The following PLEKHM2 variants were observed in gnomAD, a reference collection of about 807,000 sequenced individuals.
PLEKHM2 encodes pleckstrin homology domain-containing family M member 2.
In PLEKHM2, 77 loss-of-function variants were observed where a neutral mutation model predicts 116.3. That is an observed-to-expected ratio of 0.66 (90% CI 0.55 to 0.80). The LOEUF (loss-of-function observed/expected upper bound fraction) is 0.80, where lower values mean the gene tolerates loss of function less well. Among genes scored for constraint, PLEKHM2 ranks in the 30% least tolerant of loss-of-function variants. The pLI is 0.00. For synonymous variants in PLEKHM2, 562 were observed against 571.0 expected, an observed-to-expected ratio of 0.98 and a Z score of 0.22; for missense variants, 1,183 against 1,354.9, an observed-to-expected ratio of 0.87 and a Z score of 1.99.
upstream of PLEKHM2, among the ~76,000 whole-genome samples, chr1:15,682,327 C>T (rs1004146012): frequency 2.0e-5 from 3 of 150,028 alleles, no homozygotes; most frequent in East Asian, 1.9e-4. Context: ...GGCAGGCGCC[C>T]GTAATCCCAG....
chr1:15,705,484 C>G (rs543505816), intron 1 of PLEKHM2, among the ~76,000 whole-genome samples: 1 of 152,120 alleles, frequency 6.6e-6, no homozygotes, highest in East Asian at 1.9e-4. Context: ...GCCCGGCCTC[C>G]ACATAGATGT....
chr1:15,715,842 T>A (rs1032664212), intron 1 of PLEKHM2, among the ~76,000 whole-genome samples: 6 of 152,212 alleles, frequency 3.9e-5, no homozygotes, highest in African/African-American at 1.4e-4. Flanking sequence ...GCTCTCTGTA[T>A]CAATGCCCCA....
intron 1 of PLEKHM2, among the ~76,000 whole-genome samples, chr1:15,703,998 G>A (rs982544277): frequency 1.3e-5 from 2 of 152,188 alleles, no homozygotes; most frequent in Non-Finnish European, 2.9e-5. Context: ...CTCAGAGTCC[G>A]TGGACCTTAG....
intron 7 of PLEKHM2, among the ~76,000 whole-genome samples, chr1:15,724,748 C>A (rs1015703036): frequency 6.6e-6 from 1 of 152,200 alleles, no homozygotes; most frequent in Non-Finnish European, 1.5e-5. Context: ...CCTCTGCCCC[C>A]ACTCTGCACC....
chr1:15,719,968 C>A lies in PLEKHM2; in HGVS notation c.652+48C>A. Reference sequence around the variant, plus strand: ...AGCTAAGCCCCTGTTGTGAAACAGACTTGAACTGCTTAAGCCTGGCTGGGT... The same window carrying A: ...AGCTAAGCCCCTGTTGTGAAACAGAATTGAACTGCTTAAGCCTGGCTGGGT... On this transcript the variant is annotated intron_variant, in intron 6 of 19. Coordinates refer to ENST00000375799, the MANE Select transcript of PLEKHM2 (RefSeq NM_015164.4). This position sits in a 1 kb window ranked among gnomAD's most constrained non-coding sequence, Gnocchi z 4.1. The A allele has an allele frequency of 6.8e-7, 1 of 1,468,934 alleles. No homozygotes were observed. The highest frequency in any genetic ancestry group is 9.3e-7 in the Non-Finnish European group (1 of 1,069,722). The allele number at this position is 1,468,934 out of a possible 1,614,324, so 91.0% of individuals were successfully genotyped here. A position where few individuals can be genotyped will look rare whatever the true frequency, so the allele number is the denominator to read the frequency against.
At chr1:15,699,502 T>C (rs1641068141) in intron 1 of PLEKHM2, among the ~76,000 whole-genome samples, 1 of 152,208 alleles carries the variant, frequency 6.6e-6, no homozygotes, top group Non-Finnish European at 1.5e-5. Flanking sequence ...TGCATCCATA[T>C]CCCTGCAAAG....
rs1428127476 is a variant in PLEKHM2 at position 15,719,884 on chromosome 1, G to C, written c.616G>C (p.Glu206Gln). 4 of 1,613,612 alleles carry C rather than the reference G, an allele frequency of 2.5e-6. No individual in the cohort carries two copies. The highest frequency in any genetic ancestry group is 3.4e-6 in the Non-Finnish European group (4 of 1,179,776). Residue 206 changes from glutamate to glutamine, a missense_variant, in exon 6 of 20, where the codon GAG (glutamate) becomes CAG (glutamine). Coordinates refer to ENST00000375799, the MANE Select transcript of PLEKHM2 (RefSeq NM_015164.4). The surrounding 1 kb of genome is among the most constrained non-coding windows in gnomAD (Gnocchi z 4.1). The stretch of plus-strand genomic sequence containing the variant: ...CAACTCCGTCACCTCCACCAACCTG[G>C]AGTGGGATGACAGTGCGATTGCCCC... ...SFNSVTSTNLEWDDSAIAPSS... is the reference protein window; with the variant it reads ...SFNSVTSTNLQWDDSAIAPSS...
rs190423893 is a variant in PLEKHM2, at chr1:15,715,444, C to A, written c.61-793C>A. Among the ~76,000 whole-genome samples the A allele has an allele frequency of 3.8e-3, 581 of 152,284 alleles. 2 individuals carry two copies. The highest frequency in any genetic ancestry group is 6.8e-3 in the Non-Finnish European group (464 of 68,026). ...ATCACCTGAGGTCAGGAGCTTGAGA[C>A]CAGCCTGGCCAACATGGCGAAACCT... is the stretch of plus-strand genomic sequence containing the variant. On this transcript the variant is annotated intron_variant, in intron 1 of 19. Transcript: ENST00000375799.
At chr1:15,713,347 G>A (rs1431409953) in intron 1 of PLEKHM2, among the ~76,000 whole-genome samples, 1 of 151,992 alleles carries the variant, frequency 6.6e-6, no homozygotes, top group Non-Finnish European at 1.5e-5. Context: ...TGCACACCAA[G>A]CTGTTGGCAA....
In PLEKHM2 at chr1:15,719,229, C is replaced by G. The variant is rs1399998701; in HGVS notation, c.466-505C>G. 6.6e-6 allele frequency among the ~76,000 whole-genome samples: 1 copy of G among 152,156 alleles called. No individual in the cohort carries two copies. Among genetic ancestry groups the G allele is most frequent in the Non-Finnish European group, 1.5e-5 (1 of 68,022 alleles). On this transcript the variant is annotated intron_variant, in intron 5 of 19. Transcript: ENST00000375799. This position sits in a 1 kb window ranked among gnomAD's most constrained non-coding sequence, Gnocchi z 4.1. The stretch of plus-strand genomic sequence containing the variant: ...CTTTGGGAGGCTGAGGTGGGTGGAT[C>G]ACCTGAGGTCAGGAGTTCGAGACCA...
Position 15,730,469 on chromosome 1 carries a change from G to A in PLEKHM2, c.2209-63G>A, listed in dbSNP as rs1571072450. 129 of 1,346,842 alleles carry A rather than the reference G, an allele frequency of 9.6e-5. 1 individual carries two copies. The East Asian group carries it at 3.3e-3, about 34-fold the overall frequency. The allele number at this position is 1,346,842 out of a possible 1,614,324, so 83.4% of individuals were successfully genotyped here. Reference sequence around the variant, plus strand: ...AAAGAAAAAAAAAGAACCAGTCCGGGCTCAGCCACCTGCCTGGCCCAGGCC... The same window carrying A: ...AAAGAAAAAAAAAGAACCAGTCCGGACTCAGCCACCTGCCTGGCCCAGGCC... On this transcript the variant is annotated intron_variant, in intron 14 of 19. Coordinates refer to ENST00000375799, the MANE Select transcript of PLEKHM2 (RefSeq NM_015164.4).
chr1:15,713,028 T>A (rs985078579), intron 1 of PLEKHM2, among the ~76,000 whole-genome samples: 1 of 152,210 alleles, frequency 6.6e-6, no homozygotes, highest in African/African-American at 2.4e-5. Context: ...CTGAAACTCC[T>A]GACCTCAACT....
At position 15,694,967 on chromosome 1, in the gene PLEKHM2, A is replaced by G. The variant is rs142909956; in HGVS notation, c.60+10349A>G. Among the ~76,000 whole-genome samples, 428 of 152,232 alleles carry G rather than the reference A, an allele frequency of 2.8e-3. 1 individual carries two copies. The highest frequency in any genetic ancestry group is 9.7e-3 in the African/African-American group (403 of 41,536). ...GAGACGGGGTTTCATCATATTGGCC[A>G]GGCTGGTCTTGAACTTCTGACATCA... On this transcript the variant is annotated intron_variant, in intron 1 of 19. Transcript: ENST00000375799.
At chr1:15,689,957 T>C (rs1407566675) in intron 1 of PLEKHM2, among the ~76,000 whole-genome samples, 1 of 152,190 alleles carries the variant, frequency 6.6e-6, no homozygotes. Flanking sequence ...GGTTTCGCCA[T>C]GTTGGCCAGG....
chr1:15,715,481 A>C (rs1476443984), intron 1 of PLEKHM2, among the ~76,000 whole-genome samples: 1 of 152,080 alleles, frequency 6.6e-6, no homozygotes, highest in African/African-American at 2.4e-5. Context: ...GTCTCTACTA[A>C]AGATAAAAAA....
intron 3 of PLEKHM2, among the ~76,000 whole-genome samples, chr1:15,717,529 C>A (rs1000395880): frequency 2.6e-5 from 4 of 152,198 alleles, no homozygotes; most frequent in Non-Finnish European, 4.4e-5. Flanking sequence ...AGAAAGAGGG[C>A]GAGCTGCCAG....
At chr1:15,716,571 G>A (rs1016465734) in intron 2 of PLEKHM2, 136 bp from the exon 3 acceptor site, 2 of 796,940 alleles carry the variant, frequency 2.5e-6, no homozygotes, top group Admixed American at 4.5e-5. Flanking sequence ...ATGATGGTGT[G>A]AAGGTGTGCT....
rs1403619650 is a variant in PLEKHM2 at position 15,721,806 on chromosome 1, G to T, written c.712+418G>T. Among the ~76,000 whole-genome samples, 2 of 152,230 alleles carry T rather than the reference G, an allele frequency of 1.3e-5. No individual in the cohort carries two copies. The highest frequency in any genetic ancestry group is 2.9e-5 in the Non-Finnish European group (2 of 68,050). On this transcript the variant is annotated intron_variant, in intron 7 of 19. Coordinates refer to ENST00000375799, the MANE Select transcript of PLEKHM2 (RefSeq NM_015164.4). This position sits in a 1 kb window ranked among gnomAD's most constrained non-coding sequence, Gnocchi z 5.1. ...GATGAGCATCGAAGAGAAAGAGCTT[G>T]ATTCTTTCAGTCTGTTCCTAATGGC...
At chr1:15,720,128 TTA>T (rs144815982) in intron 6 of PLEKHM2, among the ~76,000 whole-genome samples, 77 of 115,830 alleles carry the variant, frequency 6.6e-4, no homozygotes, top group African/African-American at 1.8e-3. Context: ...AAAGCTGAAA[TTA>T]TATATATATA....
Sources: gnomAD v4.1 joint callset for allele counts (sites outside exome capture counted in the v4.1 genomes callset) on GRCh38, gnomAD v4.1.1 for gene constraint, Gnocchi (gnomAD v3.1) non-coding constraint, MANE v1.5 for transcripts, NCBI Gene and HGNC (gene_info 2026-07-23, HGNC 2026-07-21) for gene names.